Variants in SLC9A9 observed in about 807,000 individuals in gnomAD.
The protein encoded by SLC9A9 is solute carrier family 9 member A9.
In SLC9A9, 62 loss-of-function variants were observed where a neutral mutation model predicts 77.8. The observed-to-expected ratio is 0.80, with a 90% CI of 0.65 to 0.98. The LOEUF is 0.98. Ranked by LOEUF, SLC9A9 falls within the 50% of genes least tolerant of loss-of-function variation. The pLI is 0.00. For synonymous variants in SLC9A9, 320 were observed against 283.5 expected (o/e 1.13, Z -1.29); for missense variants, 775 against 774.9 (o/e 1.00, Z 0.00).
chr3:143,585,983 T>A (rs1331991725), intron 6 of SLC9A9, among the ~76,000 whole-genome samples: 1 of 152,238 alleles, frequency 6.6e-6, no homozygotes, highest in Admixed American at 6.5e-5. Context: ...GGCACCAGCC[T>A]TTCCAGGTGA....
chr3:143,637,684 T>A (rs556642773), intron 6 of SLC9A9, among the ~76,000 whole-genome samples: 24 of 152,128 alleles, frequency 1.6e-4, no homozygotes, highest in Non-Finnish European at 2.8e-4. Flanking sequence ...TCTCAACAGG[T>A]TTTTATTTTT....
At chr3:143,588,302 A>T (rs2037580640) in intron 6 of SLC9A9, among the ~76,000 whole-genome samples, 1 of 152,180 alleles carries the variant, frequency 6.6e-6, no homozygotes, top group African/African-American at 2.4e-5. Flanking sequence ...AAAGGTAGTA[A>T]GGTACTTGGC....
At chr3:143,393,968 CA>C (rs1357462114) in intron 12 of SLC9A9, among the ~76,000 whole-genome samples, 1 of 151,902 alleles carries the variant, frequency 6.6e-6, no homozygotes, top group African/African-American at 2.4e-5. Flanking sequence ...AACAGCTTAC[CA>C]ACCAAAAAAA....
intron 14 of SLC9A9, among the ~76,000 whole-genome samples, chr3:143,273,020 G>GTGTT (rs1301332036): frequency 2.0e-5 from 3 of 152,194 alleles, no homozygotes; most frequent in Non-Finnish European, 4.4e-5. Context: ...GCTAAATTTG[G>GTGTT]TGTTTAACTG....
chr3:143,490,824 C>T (rs2035731263), intron 11 of SLC9A9, among the ~76,000 whole-genome samples: 1 of 152,102 alleles, frequency 6.6e-6, no homozygotes. Flanking sequence ...GATTCCTTTA[C>T]ATAAATATGT....
At chr3:143,745,355 T>C (rs1404337219) in intron 4 of SLC9A9, among the ~76,000 whole-genome samples, 1 of 152,240 alleles carries the variant, frequency 6.6e-6, no homozygotes, top group Non-Finnish European at 1.5e-5. Context: ...GGAAGAGACA[T>C]GTTTGAATAA....
chr3:143,419,590 T>C (rs1161744364), intron 12 of SLC9A9, among the ~76,000 whole-genome samples: 1 of 152,116 alleles, frequency 6.6e-6, no homozygotes, highest in Non-Finnish European at 1.5e-5. Context: ...ACCAGTACCA[T>C]CCATCCAGCC....
chr3:143,269,004 T>G (rs1158121644), intron 14 of SLC9A9, 24 bp from the exon 15 acceptor site: 1 of 1,522,756 alleles, frequency 6.6e-7, no homozygotes, highest in South Asian at 1.1e-5. Context: ...TAAGGAATAC[T>G]TGTCAACAGG....
rs534950242 is a variant in SLC9A9, at chr3:143,388,483, C to T, written c.1470-6369G>A. Among the ~76,000 whole-genome samples, 6 of 152,264 alleles carry T rather than the reference C, an allele frequency of 3.9e-5. No individual in the cohort carries two copies. In the South Asian group the frequency reaches 1.2e-3, roughly 32 times the overall value. On this transcript the variant is annotated intron_variant, in intron 12 of 15. Transcript: ENST00000316549. ...CAAATTAGTTAACCTTTGCAAATCT[C>T]AGTTTTCCCAACTATAAGAGGGGAT...
At chr3:143,489,729 G>A (rs2035707922) in intron 11 of SLC9A9, among the ~76,000 whole-genome samples, 1 of 151,860 alleles carries the variant, frequency 6.6e-6, no homozygotes, top group East Asian at 1.9e-4. Flanking sequence ...TGTAAACAGA[G>A]TAAAAAAGGC....
At chr3:143,594,631 T>C (rs2037722114) in intron 6 of SLC9A9, among the ~76,000 whole-genome samples, 1 of 152,156 alleles carries the variant, frequency 6.6e-6, no homozygotes, top group East Asian at 1.9e-4. Flanking sequence ...AGGTTTGTTG[T>C]ATGTGGTGGT....
chr3:143,460,661 A>G (rs2035174830), intron 12 of SLC9A9, among the ~76,000 whole-genome samples: 1 of 152,186 alleles, frequency 6.6e-6, no homozygotes, highest in Non-Finnish European at 1.5e-5. Flanking sequence ...GATAGCTGGC[A>G]GTTGTGGAGT....
At chr3:143,753,872 A>C (rs1035519458) in intron 4 of SLC9A9, among the ~76,000 whole-genome samples, 1 of 152,212 alleles carries the variant, frequency 6.6e-6, no homozygotes, top group South Asian at 2.1e-4. Context: ...GGGGATAAAG[A>C]AAAAAACATT....
intron 14 of SLC9A9, among the ~76,000 whole-genome samples, chr3:143,305,540 T>G (rs1392354846): frequency 6.6e-6 from 1 of 152,188 alleles, no homozygotes; most frequent in East Asian, 1.9e-4. Flanking sequence ...TGTTAAAAAT[T>G]CACAACCACT....
At position 143,268,954 on chromosome 3, in the gene SLC9A9, GA is replaced by G. The variant is rs781018746; in HGVS notation, c.1630del (p.Ser544LeufsTer5). The G allele has an allele frequency of 1.9e-6, 3 of 1,613,604 alleles. No individual in the cohort carries two copies. The highest frequency in any genetic ancestry group is 2.5e-6 in the Non-Finnish European group (3 of 1,179,696). ...TAATGTTGTAGTCAGCGGAGGACCAGAGTGGGTTAAAATTGGTTTCAGATAC... is the reference window on the plus strand; with the variant it reads ...TAATGTTGTAGTCAGCGGAGGACCAGGTGGGTTAAAATTGGTTTCAGATAC... The part of the protein sequence containing the change: ...HKYLKPILTH[S>X]GPPLTTTLPE... On this transcript the variant is annotated frameshift_variant, in exon 15 of 16. Transcript: ENST00000316549. LOFTEE classifies it high-confidence loss of function.
intron 5 of SLC9A9, among the ~76,000 whole-genome samples, chr3:143,685,344 A>G (rs1459810444): frequency 6.6e-6 from 1 of 152,114 alleles, no homozygotes; most frequent in Non-Finnish European, 1.5e-5. Flanking sequence ...CAGTAGCAAC[A>G]TGTATCTCGT....
At chr3:143,419,443 C>T (rs976394756) in intron 12 of SLC9A9, among the ~76,000 whole-genome samples, 1 of 152,176 alleles carries the variant, frequency 6.6e-6, no homozygotes, top group African/African-American at 2.4e-5. Flanking sequence ...TAAGGTAAAA[C>T]ATTTGTGTTT....
intron 6 of SLC9A9, among the ~76,000 whole-genome samples, chr3:143,597,515 G>A (rs542564769): frequency 1.3e-5 from 2 of 152,292 alleles, no homozygotes; most frequent in East Asian, 1.9e-4. Flanking sequence ...GAGACAGAGC[G>A]GACAGCGTAA....
chr3:143,656,312 A>G (rs555100203), intron 5 of SLC9A9, among the ~76,000 whole-genome samples: 2 of 152,314 alleles, frequency 1.3e-5, no homozygotes, highest in South Asian at 2.1e-4. Context: ...CTACAACTCT[A>G]TTATAGCATC....
Sources: gnomAD v4.1 joint callset for allele counts (sites outside exome capture counted in the v4.1 genomes callset) on GRCh38, gnomAD v4.1.1 for gene constraint, MANE v1.5 for transcripts, NCBI Gene and HGNC (gene_info 2026-07-23, HGNC 2026-07-21) for gene names.